CSMD3: variants seen among roughly 807,000 people sequenced by gnomAD.
CSMD3 encodes the protein CUB and Sushi multiple domains 3.
Under a neutral mutation model 435.2 loss-of-function variants are expected in CSMD3, and 177 were observed. The ratio of observed to expected loss-of-function variants is 0.41; its 90% CI spans 0.36 to 0.46. The LOEUF (loss-of-function observed/expected upper bound fraction) is 0.46. Ranked by LOEUF, CSMD3 falls within the 20% of genes least tolerant of loss-of-function variation. The probability of loss-of-function intolerance (pLI) is 0.34; values close to 1 mark genes in which losing one functional copy is unlikely to be tolerated. For synonymous variants in CSMD3, 1,656 were observed against 1,520.5 expected (o/e 1.09, Z -2.07); for missense variants, 4,265 against 4,504.6 (o/e 0.95, Z 1.52).
intron 38 of CSMD3, among the ~76,000 whole-genome samples, chr8:112,375,621 A>T (rs576070465): frequency 2.4e-4 from 36 of 152,250 alleles, no homozygotes; most frequent in Middle Eastern, 6.8e-3. Context: ...AGAACAGTTT[A>T]AAAAATATTA....
chr8:112,496,892 C>G lies in CSMD3; in HGVS notation c.5084-4209G>C, dbSNP rs111303255. Among the ~76,000 whole-genome samples the G allele has an allele frequency of 1.7e-3, 265 of 152,004 alleles. 2 individuals are homozygous for G. Among genetic ancestry groups the G allele is most frequent in the African/African-American group, 5.9e-3 (245 of 41,448 alleles). The stretch of plus-strand genomic sequence containing the variant: ...GAATAAGATCCAGTATTTGATAGCA[C>G]AACAGGGCAACTATAGTCAATAATA... On this transcript the variant is annotated intron_variant, in intron 30 of 70. Transcript: ENST00000297405.
chr8:112,382,921 G>T (rs188870401), intron 37 of CSMD3, among the ~76,000 whole-genome samples: 5 of 152,310 alleles, frequency 3.3e-5, no homozygotes, highest in African/African-American at 1.2e-4. Flanking sequence ...GACCCAGGAG[G>T]CAGAGGTTGC....
At chr8:112,330,469 G>A (rs374926424) in intron 45 of CSMD3, among the ~76,000 whole-genome samples, 6 of 151,986 alleles carry the variant, frequency 3.9e-5, no homozygotes, top group East Asian at 1.9e-4. Flanking sequence ...AAATAATTTC[G>A]GTATTAAATT....
At chr8:113,355,130 T>A (rs1306513165) in intron 1 of CSMD3, among the ~76,000 whole-genome samples, 4 of 152,194 alleles carry the variant, frequency 2.6e-5, no homozygotes, top group African/African-American at 9.7e-5. Context: ...ATATATGAAC[T>A]TATGTATTAT....
intron 5 of CSMD3, among the ~76,000 whole-genome samples, chr8:113,067,785 T>C (rs529973582): frequency 5.9e-5 from 9 of 152,266 alleles, no homozygotes; most frequent in African/African-American, 2.2e-4. Context: ...AAAAGAGTGC[T>C]AGCAGTGGTT....
chr8:113,423,748 T>C (rs1193445248), intron 1 of CSMD3, among the ~76,000 whole-genome samples: 2 of 151,928 alleles, frequency 1.3e-5, no homozygotes, highest in African/African-American at 4.8e-5. Flanking sequence ...GTTATGGAGA[T>C]TGTTGAAAAT....
At chr8:112,652,832 CAG>C (rs1348639710) in intron 18 of CSMD3, among the ~76,000 whole-genome samples, 5 of 151,732 alleles carry the variant, frequency 3.3e-5, no homozygotes, top group African/African-American at 7.3e-5. Context: ...TTTTTTTAGA[CAG>C]AGTCTCACCC....
intron 7 of CSMD3, among the ~76,000 whole-genome samples, chr8:112,972,961 T>G (rs2084711901): frequency 6.6e-6 from 1 of 151,978 alleles, no homozygotes; most frequent in African/African-American, 2.4e-5. Context: ...ATTATGTGGT[T>G]AAAAGGAACA....
chr8:113,217,514 A>G (rs936611665), intron 3 of CSMD3, among the ~76,000 whole-genome samples: 3 of 151,792 alleles, frequency 2.0e-5, no homozygotes, highest in African/African-American at 4.8e-5. Context: ...CAGTAGAGAA[A>G]TTAAAGCTAT....
chr8:112,326,052 A>T (rs538425188), intron 45 of CSMD3, among the ~76,000 whole-genome samples: 3 of 152,152 alleles, frequency 2.0e-5, no homozygotes, highest in Non-Finnish European at 4.4e-5. Context: ...CATAAATATT[A>T]ATATTTTCTG....
chr8:112,909,714 G>C (rs748553473), intron 10 of CSMD3, among the ~76,000 whole-genome samples: 4 of 151,762 alleles, frequency 2.6e-5, no homozygotes, highest in African/African-American at 4.8e-5. Flanking sequence ...ATGAAGTGCA[G>C]TTCATTTAGT....
chr8:112,364,417 T>A (rs1467142546), intron 38 of CSMD3, among the ~76,000 whole-genome samples: 2 of 152,096 alleles, frequency 1.3e-5, no homozygotes, highest in East Asian at 3.9e-4. Flanking sequence ...CTAAAGATCT[T>A]CAAAGGACCT....
chr8:113,327,531 A>G (rs2093992305), intron 1 of CSMD3, among the ~76,000 whole-genome samples: 1 of 152,138 alleles, frequency 6.6e-6, no homozygotes, highest in Non-Finnish European at 1.5e-5. Context: ...CCCAGTAGGA[A>G]CCTTCAAAAT....
intron 27 of CSMD3, among the ~76,000 whole-genome samples, chr8:112,527,009 T>C (rs897406891): frequency 1.3e-5 from 2 of 151,716 alleles, no homozygotes; most frequent in South Asian, 2.1e-4. Flanking sequence ...AATAAGCTAA[T>C]AGAAGAGAAA....
chr8:113,361,839 C>T (rs2094279238), intron 1 of CSMD3, among the ~76,000 whole-genome samples: 1 of 152,046 alleles, frequency 6.6e-6, no homozygotes, highest in Non-Finnish European at 1.5e-5. Context: ...GCCTCATTAG[C>T]AATAGGAAAT....
chr8:112,796,122 C>A (rs530735021), intron 13 of CSMD3, among the ~76,000 whole-genome samples: 1 of 152,192 alleles, frequency 6.6e-6, no homozygotes, highest in South Asian at 2.1e-4. Flanking sequence ...TGTTCTCCTG[C>A]TCTTCACACT....
At chr8:112,428,899 A>G (rs1386053376) in intron 32 of CSMD3, among the ~76,000 whole-genome samples, 1 of 150,888 alleles carries the variant, frequency 6.6e-6, no homozygotes, top group African/African-American at 2.4e-5. Context: ...TTTCTTTTTA[A>G]TTAAATTTTT....
intron 5 of CSMD3, among the ~76,000 whole-genome samples, chr8:113,090,754 AG>A (rs776946281): frequency 1.8e-4 from 28 of 152,196 alleles, no homozygotes; most frequent in Admixed American, 5.2e-4. Context: ...AAATTATGCA[AG>A]CTTATAATTG....
At chr8:112,953,687 T>A (rs1381938976) in intron 8 of CSMD3, among the ~76,000 whole-genome samples, 1 of 151,456 alleles carries the variant, frequency 6.6e-6, no homozygotes, top group African/African-American at 2.4e-5. Context: ...ACTGCTCAAT[T>A]TTTGTCAATT....
Sources: gnomAD v4.1 joint callset for allele counts (sites outside exome capture counted in the v4.1 genomes callset) on GRCh38, gnomAD v4.1.1 for gene constraint, MANE v1.5 for transcripts, NCBI Gene and HGNC (gene_info 2026-07-23, HGNC 2026-07-21) for gene names.